CCDC138: variants seen among roughly 807,000 people sequenced by gnomAD.
The protein encoded by CCDC138 is coiled-coil domain containing 138.
Under a neutral mutation model 82.3 loss-of-function variants are expected in CCDC138, and 66 were observed. The ratio of observed to expected loss-of-function variants is 0.80; its 90% confidence interval spans 0.66 to 0.98. The LOEUF is 0.98. Ranked by LOEUF, CCDC138 falls within the 50% of genes least tolerant of loss-of-function variation. The pLI is 0.00. For synonymous variants in CCDC138, 297 were observed against 265.4 expected, an observed-to-expected ratio of 1.12 and a Z score of -1.16; for missense variants, 816 against 758.9, an observed-to-expected ratio of 1.08 and a Z score of -0.88.
chr2:108,826,152 A>G (rs1258251185), intron 10 of CCDC138, among the ~76,000 whole-genome samples: 3 of 152,320 alleles, frequency 2.0e-5, no homozygotes, highest in Middle Eastern at 3.4e-3. Context: ...TAAATATTCA[A>G]GATGGATGTA....
At chr2:108,871,669 T>G (rs2105199557) in intron 13 of CCDC138, among the ~76,000 whole-genome samples, 1 of 152,318 alleles carries the variant, frequency 6.6e-6, no homozygotes, top group East Asian at 1.9e-4. Context: ...TTTTAACCAT[T>G]TTTTAATTGT....
In CCDC138 at chr2:108,812,667, A is replaced by T; in HGVS notation, c.892A>T (p.Ile298Phe). Residue 298 changes from isoleucine (I) to phenylalanine (F), a missense_variant, in exon 8 of 15, where the codon ATT becomes TTT. Ile to Phe is a conservative substitution (Grantham distance 21). Coordinates refer to ENST00000295124, the MANE Select transcript of CCDC138 (RefSeq NM_144978.3). ...EASEENRKID[I>F]QAKRVQARLD... The stretch of plus-strand genomic sequence containing the variant: ...AAGTGAAGAAAACAGGAAGATAGAC[A>T]TTCAGGCTAAAAGAGTTCAAGCTCG... 1 of 1,613,250 alleles carries T rather than the reference A, an allele frequency of 6.2e-7. No individual in the cohort carries two copies. The highest frequency in any genetic ancestry group is 8.5e-7 in the Non-Finnish European group (1 of 1,179,252).
intron 13 of CCDC138, among the ~76,000 whole-genome samples, chr2:108,871,162 A>C (rs978400113): frequency 1.3e-5 from 2 of 152,144 alleles, no homozygotes; most frequent in East Asian, 3.9e-4. Context: ...CAGAAATGGC[A>C]TGCATTATAC....
intron 10 of CCDC138, among the ~76,000 whole-genome samples, chr2:108,829,633 C>A (rs1289104535): frequency 6.6e-6 from 1 of 152,148 alleles, no homozygotes; most frequent in Non-Finnish European, 1.5e-5. Context: ...GTAGTCCCAG[C>A]TACTTGGGAG....
intron 10 of CCDC138, among the ~76,000 whole-genome samples, chr2:108,820,274 G>A (rs1055516623): frequency 2.2e-4 from 34 of 152,062 alleles, no homozygotes; most frequent in African/African-American, 8.0e-4. Flanking sequence ...ATAAAATTAT[G>A]TCAGAGGAGC....
intron 12 of CCDC138, among the ~76,000 whole-genome samples, chr2:108,853,052 T>C (rs1429404876): frequency 6.6e-6 from 1 of 152,224 alleles, no homozygotes; most frequent in Non-Finnish European, 1.5e-5. Flanking sequence ...TTTCGTGAGA[T>C]CTACCTTAAG....
chr2:108,811,999 C>T (rs984287179), intron 7 of CCDC138, among the ~76,000 whole-genome samples: 2 of 151,802 alleles, frequency 1.3e-5, no homozygotes, highest in African/African-American at 4.8e-5. Flanking sequence ...GTATATATAT[C>T]ACAAATTTTA....
rs113074599 is a variant in CCDC138 at position 108,789,712 on chromosome 2, G to A, written c.266+746G>A. 7.2e-5 allele frequency among the ~76,000 whole-genome samples: 11 copies of A among 152,326 alleles called. 1 individual carries two copies. The highest frequency in any genetic ancestry group is 2.4e-4 in the African/African-American group (10 of 41,572). On this transcript the variant is annotated intron_variant, in intron 3 of 14. Transcript: ENST00000295124. ...TGTATTTAGGTGATTGAGAGAGATT[G>A]AAGAAGGTGGTCTGGGGAGATGGTA...
At chr2:108,787,981 C>T (rs1558955750) in intron 1 of CCDC138, 51 bp from the exon 2 acceptor site, 2 of 1,353,580 alleles carry the variant, frequency 1.5e-6, no homozygotes, top group Admixed American at 2.4e-5. Context: ...TATTTTGAGA[C>T]AGTAAATTGA....
At chr2:108,839,706 T>A (rs1689141183) in intron 11 of CCDC138, among the ~76,000 whole-genome samples, 1 of 152,132 alleles carries the variant, frequency 6.6e-6, no homozygotes, top group Non-Finnish European at 1.5e-5. Flanking sequence ...AGTAAAATTG[T>A]TTTTTGTTTA....
intron 7 of CCDC138, among the ~76,000 whole-genome samples, chr2:108,811,671 T>C (rs1241690912): frequency 6.6e-6 from 1 of 152,168 alleles, no homozygotes. Context: ...CATGGATATA[T>C]TGTGTAACAG....
chr2:108,863,601 T>C (rs1418662469), intron 13 of CCDC138, among the ~76,000 whole-genome samples: 1 of 152,238 alleles, frequency 6.6e-6, no homozygotes, highest in African/African-American at 2.4e-5. Context: ...TCTATTCTGG[T>C]TTGTTGACTT....
chr2:108,825,722 G>C (rs1167504965), intron 10 of CCDC138, among the ~76,000 whole-genome samples: 1 of 152,028 alleles, frequency 6.6e-6, no homozygotes, highest in Non-Finnish European at 1.5e-5. Flanking sequence ...TGGGTTGTTT[G>C]CATTTGTTGG....
chr2:108,788,018 C>CTTTT lies in CCDC138; in HGVS notation c.94-6_94-3dup. On this transcript the variant is annotated splice_polypyrimidine_tract_variant and intron_variant, in intron 1 of 14. Transcript: ENST00000295124. ...TTTTAGTATACAAATTAAATCTTTT[C>CTTTT]TTTTTTTTTTTAGTATGATTTTTCA... 1 of 1,259,960 alleles carries CTTTT rather than the reference C, an allele frequency of 7.9e-7. No homozygotes were observed. Among genetic ancestry groups the CTTTT allele is most frequent in the South Asian group, 1.4e-5 (1 of 69,442 alleles). 78.0% of individuals were successfully genotyped at this position (1,259,960 alleles called of 1,614,324 possible).
chr2:108,871,370 T>TAAAAAAAAA (rs59725353), intron 13 of CCDC138, among the ~76,000 whole-genome samples: 17 of 76,640 alleles, frequency 2.2e-4, no homozygotes, highest in African/African-American at 2.9e-4. Context: ...CCAACTCTAT[T>TAAAAAAAAA]AAAAAAAAAA....
chr2:108,826,803 G>A (rs1686687317), intron 10 of CCDC138, among the ~76,000 whole-genome samples: 1 of 152,104 alleles, frequency 6.6e-6, no homozygotes, highest in Admixed American at 6.6e-5. Context: ...TTTGATTAAG[G>A]ACTGCATTGA....
intron 13 of CCDC138, among the ~76,000 whole-genome samples, chr2:108,872,692 A>T (rs755440931): frequency 2.6e-4 from 40 of 152,274 alleles, no homozygotes; most frequent in Non-Finnish European, 2.4e-4. Flanking sequence ...GGCTGCACTC[A>T]CACATGGCGG....
chr2:108,811,245 CTCTT>C (rs766815226), intron 7 of CCDC138, among the ~76,000 whole-genome samples: 1 of 109,628 alleles, frequency 9.1e-6, no homozygotes, highest in Non-Finnish European at 1.7e-5. Flanking sequence ...CTTTCTCTCT[CTCTT>C]TTTTTTTTTT....
intron 12 of CCDC138, among the ~76,000 whole-genome samples, chr2:108,851,273 A>G (rs537301245): frequency 1.3e-5 from 2 of 151,838 alleles, no homozygotes; most frequent in African/African-American, 4.8e-5. Context: ...CTCTGAACCC[A>G]TTTCTCTGGG....
Sources: allele counts gnomAD v4.1 joint callset (sites outside exome capture counted in the v4.1 genomes callset), GRCh38; gene constraint gnomAD v4.1.1; transcripts MANE v1.5; gene names NCBI Gene and HGNC (gene_info 2026-07-23, HGNC 2026-07-21).